The following GRIP2 variants were observed in gnomAD, a reference collection of about 807,000 sequenced individuals.
The protein encoded by GRIP2 is glutamate receptor interacting protein 2.
A neutral mutation model predicts 108.3 loss-of-function variants in GRIP2; 58 were observed. That is an observed-to-expected ratio of 0.54 (90% CI 0.43 to 0.67). GRIP2 has a LOEUF of 0.67. Among genes scored for constraint, GRIP2 ranks in the 30% least tolerant of loss-of-function variants. The probability of loss-of-function intolerance (pLI) is 0.00; values close to 1 mark genes in which losing one functional copy is unlikely to be tolerated. For missense variants in GRIP2, 1,278 were observed against 1,430.6 expected (o/e 0.89, Z 1.72); for synonymous variants, 586 against 598.2 (o/e 0.98, Z 0.30).
the GRIP2 span, among the ~76,000 whole-genome samples, chr3:14,597,379 A>G: frequency 6.6e-6 from 1 of 152,210 alleles, no homozygotes; most frequent in Non-Finnish European, 1.5e-5. Flanking sequence ...AGGCTCATGC[A>G]TGGCATGCTA....
intron 11 of GRIP2, 122 bp from the exon 12 acceptor site, chr3:14,514,600 T>A: frequency 1.0e-6 from 1 of 973,638 alleles, no homozygotes; most frequent in Non-Finnish European, 1.5e-6. Context: ...GAGCCCTGAC[T>A]CAGTCTGGGA....
At chr3:14,517,492 CTCTTTT>C (rs1411528342) in intron 10 of GRIP2, among the ~76,000 whole-genome samples, 1 of 108,612 alleles carries the variant, frequency 9.2e-6, no homozygotes, top group Non-Finnish European at 1.7e-5. Context: ...TAATCTCTCT[CTCTTTT>C]TTTTTTTTTT....
chr3:14,498,619 A>AT (rs5846838), intron 21 of GRIP2, among the ~76,000 whole-genome samples: 2 of 151,866 alleles, frequency 1.3e-5, no homozygotes, highest in Non-Finnish European at 2.9e-5. Context: ...CCAAAAGGAA[A>AT]ATCCAAGACT....
the GRIP2 span, among the ~76,000 whole-genome samples, chr3:14,601,487 A>T: frequency 6.6e-6 from 1 of 151,996 alleles, no homozygotes; most frequent in Non-Finnish European, 1.5e-5. Context: ...AAACCTAGGC[A>T]CCCTCTCTAC....
At chr3:14,545,254 T>C (rs1050326206), upstream of GRIP2, among the ~76,000 whole-genome samples, 41 of 152,184 alleles carry the variant, frequency 2.7e-4, no homozygotes, top group Admixed American at 1.2e-3. Context: ...CATCTCCACT[T>C]CAGAGATGAG....
the GRIP2 span, among the ~76,000 whole-genome samples, chr3:14,585,971 C>T: frequency 1.3e-5 from 2 of 152,178 alleles, no homozygotes; most frequent in African/African-American, 4.8e-5. Context: ...ACCCAAATTC[C>T]TTCCATTGGC....
chr3:14,493,742 T>TGATCA lies in GRIP2; in HGVS notation c.3050_3054dup (p.Ile1019Ter), dbSNP rs1693479924. 12 of 1,610,734 alleles carry TGATCA rather than the reference T, an allele frequency of 7.5e-6. No individual in the cohort carries two copies. The East Asian group carries it at 2.7e-4, about 36-fold the overall frequency. On this transcript the variant is annotated stop_gained and frameshift_variant, in exon 24 of 24. Coordinates refer to ENST00000621039, the MANE Select transcript of GRIP2 (RefSeq NM_001080423.4). LOFTEE classifies it high-confidence loss of function. ...TGTGCCGTGTGCGGCTTGCGGCTGA[T>TGATCA]GATCAGCTCCAAGACATCACCCGCC... is the stretch of plus-strand genomic sequence containing the variant.
At chr3:14,596,770 A>ATT in the GRIP2 span, among the ~76,000 whole-genome samples, 1 of 147,226 alleles carries the variant, frequency 6.8e-6, no homozygotes, top group Non-Finnish European at 1.5e-5. Flanking sequence ...AGTTGTATAG[A>ATT]TTTTTTTTTT....
chr3:14,511,382 C>T lies in GRIP2; in HGVS notation c.1787+31G>A. On this transcript the variant is annotated intron_variant, in intron 15 of 23. Transcript: ENST00000621039. This position sits in a 1 kb window ranked among gnomAD's most constrained non-coding sequence, Gnocchi z 4.1. ...AGGTGCCATACTCACTGCTGTTGGC[C>T]ACTTCCCTTCCTGTGCCCCAGTGCC... is the stretch of plus-strand genomic sequence containing the variant. The T allele has an allele frequency of 2.5e-6, 4 of 1,613,928 alleles. No individual in the cohort carries two copies. Among genetic ancestry groups the T allele is most frequent in the Non-Finnish European group, 3.4e-6 (4 of 1,179,854 alleles).
upstream of GRIP2, chr3:14,541,966 G>A (rs1171113492): frequency 7.4e-7 from 1 of 1,351,188 alleles, no homozygotes; most frequent in South Asian, 1.2e-5. Flanking sequence ...CTCTGGAGCA[G>A]TCTTAGCTTC....
the GRIP2 span, among the ~76,000 whole-genome samples, chr3:14,596,264 T>G: frequency 4.6e-5 from 7 of 152,230 alleles, no homozygotes; most frequent in Non-Finnish European, 7.3e-5. Context: ...ATCACAGGGC[T>G]TTGAGTATCA....
Position 14,490,252 on chromosome 3 carries a change from A to C in GRIP2, c.*3413T>G, listed in dbSNP as rs1174626157. The C allele has an allele frequency of 6.6e-6, 1 of 152,416 alleles. No homozygotes were observed. The highest frequency in any genetic ancestry group is 6.5e-5 in the Admixed American group (1 of 15,282). The allele number at this position is 152,416 out of a possible 1,614,324, so 9.4% of individuals were successfully genotyped here. On this transcript the variant is annotated 3_prime_UTR_variant, in exon 24 of 24. Coordinates refer to ENST00000621039, the MANE Select transcript of GRIP2 (RefSeq NM_001080423.4). Reference sequence around the variant, plus strand: ...GTTTCCTCATCTGTAATGATGGGACAGGAATAGAGCCCACCTCCAAAGGCT... The same window carrying C: ...GTTTCCTCATCTGTAATGATGGGACCGGAATAGAGCCCACCTCCAAAGGCT...
chr3:14,579,288 G>C, the GRIP2 span, among the ~76,000 whole-genome samples: 1 of 152,072 alleles, frequency 6.6e-6, no homozygotes, highest in Admixed American at 6.6e-5. Context: ...AGGTCTGGTG[G>C]GAATGTTCTA....
Position 14,513,794 on chromosome 3 carries a change from C to A in GRIP2, c.1510G>T (p.Val504Leu). 1 of 1,613,004 alleles carries A rather than the reference C, an allele frequency of 6.2e-7. No individual in the cohort carries two copies. The highest frequency in any genetic ancestry group is 8.5e-7 in the Non-Finnish European group (1 of 1,179,662). ...SPAERCGLLQ[V>L]GDRVLSINGI... The stretch of plus-strand genomic sequence containing the variant: ...TTGATGGACAGGACACGGTCCCCCA[C>A]CTGCAGCAGCCCACACCTGAACCCA... Residue 504 changes from valine to leucine, a missense_variant, in exon 13 of 24, where the codon GTG becomes TTG. Transcript: ENST00000621039.
At position 14,493,730 on chromosome 3, in the gene GRIP2, G is replaced by T; in HGVS notation, c.3067C>A (p.Pro1023Thr). 1.2e-6 allele frequency: 2 copies of T among 1,609,036 alleles called. No homozygotes were observed. The highest frequency in any genetic ancestry group is 4.5e-5 in the East Asian group (2 of 44,646). ...GCCCGGCTGCTGTGTGCCGTGTGCG[G>T]CTTGCGGCTGATGATCAGCTCCAAG... ...DVLELIISRK[P>T]HTAHSSRAPR... Residue 1023 changes from proline (P) to threonine (T), a missense_variant, in exon 24 of 24, where the codon CCG becomes ACG. Coordinates refer to ENST00000621039, the MANE Select transcript of GRIP2 (RefSeq NM_001080423.4).
At chr3:14,546,438 A>G (rs529920705), upstream of GRIP2, among the ~76,000 whole-genome samples, 119 of 152,138 alleles carry the variant, frequency 7.8e-4, 4 homozygotes, top group South Asian at 0.024. Context: ...GGTCTGAGGG[A>G]GGAAATGGGC....
intron 1 of GRIP2, among the ~76,000 whole-genome samples, chr3:14,536,279 C>A (rs1039213503): frequency 6.6e-6 from 1 of 152,154 alleles, no homozygotes; most frequent in Non-Finnish European, 1.5e-5. Flanking sequence ...GGAGGCTCAC[C>A]GATTGTCCCC....
chr3:14,571,790 G>A, the GRIP2 span, among the ~76,000 whole-genome samples: 43 of 152,286 alleles, frequency 2.8e-4, no homozygotes, highest in East Asian at 6.4e-3. Flanking sequence ...CCCAGGATCT[G>A]TATTTTTAAA....
the GRIP2 span, among the ~76,000 whole-genome samples, chr3:14,576,931 C>G: frequency 6.6e-6 from 1 of 152,230 alleles, no homozygotes; most frequent in African/African-American, 2.4e-5. Flanking sequence ...CACTTTCAGT[C>G]TTGCTTTGTT....
Sources: gnomAD v4.1 joint callset for allele counts (sites outside exome capture counted in the v4.1 genomes callset) on GRCh38, gnomAD v4.1.1 for gene constraint, Gnocchi (gnomAD v3.1) non-coding constraint, MANE v1.5 for transcripts, NCBI Gene and HGNC (gene_info 2026-07-23, HGNC 2026-07-21) for gene names.